Variants in HHLA2 observed in about 807,000 individuals in gnomAD.
HHLA2 encodes HHLA2 member of B7 family.
HHLA2 carries 48 observed loss-of-function variants against 45.9 expected under a neutral mutation model. The observed-to-expected ratio is 1.05, with a 90% confidence interval of 0.83 to 1.33. The LOEUF is 1.33. Among genes scored for constraint, HHLA2 ranks in the 40% most tolerant of loss-of-function variants. The pLI is 0.00. For synonymous variants in HHLA2, 161 were observed against 173.9 expected (o/e 0.93, Z 0.59); for missense variants, 462 against 494.3 (o/e 0.93, Z 0.62).
At chr3:108,320,077 T>G (rs990424474) in intron 2 of HHLA2, among the ~76,000 whole-genome samples, 1 of 152,226 alleles carries the variant, frequency 6.6e-6, no homozygotes, top group African/African-American at 2.4e-5. Flanking sequence ...ATAGGTTATT[T>G]TGGGCTCCTA....
At chr3:108,325,150 G>C (rs115273187) in intron 2 of HHLA2, among the ~76,000 whole-genome samples, 3,583 of 148,820 alleles carry the variant, frequency 0.024, 69 homozygotes, top group Middle Eastern at 0.058. Flanking sequence ...ATTGTCATTA[G>C]TCTCATTTAT....
intron 2 of HHLA2, among the ~76,000 whole-genome samples, chr3:108,323,197 CCTA>C (rs2081234328): frequency 6.6e-6 from 1 of 152,032 alleles, no homozygotes; most frequent in Non-Finnish European, 1.5e-5. Flanking sequence ...ATGAATAAGA[CCTA>C]CTATTTGGTA....
At chr3:108,322,240 G>T (rs151033077) in intron 2 of HHLA2, among the ~76,000 whole-genome samples, 2 of 152,310 alleles carry the variant, frequency 1.3e-5, no homozygotes, top group Admixed American at 6.5e-5. Context: ...GGTGATACAG[G>T]CTGGGTCTCT....
At chr3:108,307,643 A>C (rs1175034650) in intron 1 of HHLA2, among the ~76,000 whole-genome samples, 1 of 152,108 alleles carries the variant, frequency 6.6e-6, no homozygotes, top group Non-Finnish European at 1.5e-5. Context: ...TCAAAAAAAA[A>C]AAAAAGAGTT....
intron 2 of HHLA2, among the ~76,000 whole-genome samples, chr3:108,311,370 A>T (rs1248549204): frequency 6.6e-6 from 1 of 152,204 alleles, no homozygotes; most frequent in East Asian, 1.9e-4. Flanking sequence ...GAAATATTTA[A>T]AGTGATGGCT....
chr3:108,353,959 G>A (rs2081838078), intron 5 of HHLA2, among the ~76,000 whole-genome samples, 179 bp downstream of exon 4: 1 of 152,150 alleles, frequency 6.6e-6, no homozygotes, highest in East Asian at 1.9e-4. Context: ...CTGTTCCCCT[G>A]TTGGTGGGTA....
At chr3:108,335,039 T>C (rs73204188) in intron 3 of HHLA2, among the ~76,000 whole-genome samples, 7,620 of 152,302 alleles carry the variant, frequency 0.05, 220 homozygotes, top group Non-Finnish European at 0.054. Context: ...CAAATCCTAA[T>C]AGAATTGCAA....
intron 1 of HHLA2, among the ~76,000 whole-genome samples, chr3:108,299,897 G>A (rs891877059): frequency 3.3e-5 from 5 of 152,110 alleles, no homozygotes; most frequent in East Asian, 1.9e-4. Context: ...GTACAGGAGC[G>A]ATGGCTTGGA....
intron 3 of HHLA2, among the ~76,000 whole-genome samples, chr3:108,340,196 G>A (rs2081540443): frequency 6.6e-6 from 1 of 152,124 alleles, no homozygotes; most frequent in Admixed American, 6.5e-5. Flanking sequence ...CCAGAGATAG[G>A]TTAAATAGGG....
intron 8 of HHLA2, among the ~76,000 whole-genome samples, chr3:108,364,535 T>C (rs1271669848): frequency 6.6e-6 from 1 of 152,230 alleles, no homozygotes; most frequent in Non-Finnish European, 1.5e-5. Flanking sequence ...GGTCAAATGG[T>C]ATGTCTGGTT....
At chr3:108,355,446 T>C in intron 6 of HHLA2, 65 bp downstream of exon 5, 1 of 1,512,570 alleles carries the variant, frequency 6.6e-7, no homozygotes, top group Non-Finnish European at 8.9e-7. Flanking sequence ...TGGGGACTGA[T>C]TTGCAAAAAA....
chr3:108,336,692 C>A (rs2081476980), intron 3 of HHLA2, among the ~76,000 whole-genome samples: 2 of 152,004 alleles, frequency 1.3e-5, no homozygotes, highest in Non-Finnish European at 2.9e-5. Context: ...TGGATCCTTA[C>A]TTTTCCTCAT....
chr3:108,350,828 G>A (rs1048918818), intron 3 of HHLA2, among the ~76,000 whole-genome samples: 6 of 152,048 alleles, frequency 3.9e-5, no homozygotes, highest in Admixed American at 1.3e-4. Context: ...GGGACTACAG[G>A]CACATGCCAC....
At chr3:108,335,668 T>C (rs2081460084) in intron 3 of HHLA2, among the ~76,000 whole-genome samples, 1 of 152,132 alleles carries the variant, frequency 6.6e-6, no homozygotes, top group Non-Finnish European at 1.5e-5. Context: ...ATGAGACAGT[T>C]AAGGAGTGTG....
intron 8 of HHLA2, among the ~76,000 whole-genome samples, chr3:108,366,152 C>G (rs143747560): frequency 0.014 from 2,102 of 152,284 alleles, 26 homozygotes; most frequent in Non-Finnish European, 0.023. Flanking sequence ...AGATATGTTC[C>G]ATCAATGCCC....
intron 8 of HHLA2, among the ~76,000 whole-genome samples, chr3:108,372,034 C>T (rs1416279866): frequency 2.0e-5 from 3 of 152,204 alleles, no homozygotes; most frequent in Non-Finnish European, 2.9e-5. Flanking sequence ...TTCTTTTCAG[C>T]ACCACACCAC....
Position 108,353,482 on chromosome 3 carries a change from T to C in HHLA2, c.120T>C (p.Ile40=), listed in dbSNP as rs58233893. ...TTCCTATGAATGAACAAATCGTCAT[T>C]GGAAGACTTGATGAAGATATAATTC... The change falls in exon 5 of 11, where the codon ATT becomes ATC. Residue 40 remains isoleucine, a synonymous_variant. Transcript: ENST00000619531. 38 of 1,605,338 alleles carry C rather than the reference T, an allele frequency of 2.4e-5. 1 individual carries two copies. The African/African-American group carries it at 4.1e-4, about 17-fold the overall frequency.
intron 8 of HHLA2, among the ~76,000 whole-genome samples, chr3:108,370,633 G>A (rs2082153010): frequency 6.6e-6 from 1 of 152,160 alleles, no homozygotes; most frequent in Non-Finnish European, 1.5e-5. Flanking sequence ...AGTCCTTAAA[G>A]GACCCGATGG....
exon 7 of HHLA2, chr3:108,357,851 T>C: frequency 6.2e-7 from 1 of 1,603,104 alleles, no homozygotes; most frequent in Non-Finnish European, 8.5e-7. Flanking sequence ...TAGATGGCCT[T>C]CATAAAATGC....
Sources: gnomAD v4.1 joint callset for allele counts (sites outside exome capture counted in the v4.1 genomes callset) on GRCh38, gnomAD v4.1.1 for gene constraint, MANE v1.5 for transcripts, NCBI Gene and HGNC (gene_info 2026-07-23, HGNC 2026-07-21) for gene names.